The following GET1 variants were observed in gnomAD, a reference collection of about 807,000 sequenced individuals.
GET1 encodes the protein guided entry of tail-anchored proteins factor 1.
In GET1, 20 loss-of-function variants were observed where a neutral mutation model predicts 22.6. The observed-to-expected ratio is 0.89, with a 90% CI of 0.62 to 1.29. The LOEUF (loss-of-function observed/expected upper bound fraction) is 1.29, where lower values mean the gene tolerates loss of function less well. Among genes scored for constraint, GET1 ranks in the 50% most tolerant of loss-of-function variants. GET1 has a pLI of 0.00. For missense variants in GET1, 209 were observed against 219.9 expected (o/e 0.95, Z 0.31); for synonymous variants, 92 against 83.8 (o/e 1.10, Z -0.53).
intron 1 of GET1, among the ~76,000 whole-genome samples, chr21:39,416,650 C>T (rs894015925): frequency 2.0e-5 from 3 of 147,256 alleles, no homozygotes; most frequent in African/African-American, 7.7e-5. Flanking sequence ...TTGACTCTAT[C>T]TTACTTCTGT....
At chr21:39,395,776 C>T (rs1171975841) in intron 4 of GET1, among the ~76,000 whole-genome samples, 2 of 152,204 alleles carry the variant, frequency 1.3e-5, no homozygotes, top group East Asian at 1.9e-4. Context: ...AGGAGCTCTG[C>T]ACTGCGGCCA....
chr21:39,391,548 C>G, intron 2 of GET1: 1 of 486,584 alleles, frequency 2.1e-6, no homozygotes, highest in Middle Eastern at 5.7e-4. Flanking sequence ...AAAATTAAAG[C>G]TATTCAAATC....
At chr21:39,390,901 C>G (rs371114959) in intron 2 of GET1, 38 bp downstream of exon 2, 1 of 1,607,922 alleles carries the variant, frequency 6.2e-7, no homozygotes. Flanking sequence ...TTCATGAGAG[C>G]GGATGAATAG....
intron 1 of GET1, among the ~76,000 whole-genome samples, chr21:39,383,288 A>G (rs1194976702): frequency 9.7e-6 from 1 of 103,214 alleles, no homozygotes; most frequent in Non-Finnish European, 2.0e-5. Flanking sequence ...TATTTTGTTT[A>G]TTTATTTTTT....
chr21:39,418,176 TC>T (rs2041629000), intron 1 of GET1, among the ~76,000 whole-genome samples: 1 of 152,140 alleles, frequency 6.6e-6, no homozygotes, highest in Non-Finnish European at 1.5e-5. Context: ...ACTGGGTCCC[TC>T]CCCTGACATG....
chr21:39,382,010 A>T (rs2146899127), intron 1 of GET1, among the ~76,000 whole-genome samples: 1 of 151,466 alleles, frequency 6.6e-6, no homozygotes, highest in African/African-American at 2.4e-5. Flanking sequence ...AAGTGCTGGG[A>T]TTACAGGTGT....
chr21:39,410,171 C>G, downstream of GET1: 2 of 1,256,860 alleles, frequency 1.6e-6, no homozygotes, highest in South Asian at 2.5e-5. Context: ...ATTCTAATGA[C>G]TACAAATACT....
At chr21:39,396,798 A>G (rs2038686284) in intron 4 of GET1, 68 bp from the exon 5 acceptor site, 9 of 1,392,676 alleles carry the variant, frequency 6.5e-6, no homozygotes, top group Non-Finnish European at 8.2e-6. Flanking sequence ...TGTGAGTTAA[A>G]GACAGCAGAG....
intron 4 of GET1, among the ~76,000 whole-genome samples, chr21:39,395,712 C>G (rs1279130778): frequency 6.6e-6 from 1 of 152,176 alleles, no homozygotes; most frequent in Non-Finnish European, 1.5e-5. Flanking sequence ...CCCCTGTCCC[C>G]TTCCCCACCC....
chr21:39,414,738 CTCTCTGTGTGTG>C (rs1366036682), intron 1 of GET1, among the ~76,000 whole-genome samples: 41 of 107,376 alleles, frequency 3.8e-4, no homozygotes, highest in South Asian at 7.0e-4. Flanking sequence ...CTCTCTCTCT[CTCTCTGTGTGTG>C]TGTGTGTGTG....
chr21:39,380,458 G>A lies in GET1; in HGVS notation c.74G>A (p.Arg25Lys), dbSNP rs2037482370. The A allele has an allele frequency of 6.2e-7, 1 of 1,613,250 alleles. No individual in the cohort carries two copies. The highest frequency in any genetic ancestry group is 1.3e-5 in the African/African-American group (1 of 75,042). ...TTCGTGTTTGGATGCAATGTTCTTAGGATCCTCCTCCCGTCCTTCTCATCC... is the reference window on the plus strand; with the variant it reads ...TTCGTGTTTGGATGCAATGTTCTTAAGATCCTCCTCCCGTCCTTCTCATCC... ...LSFVFGCNVL[R>K]ILLPSFSSFM... The change falls in exon 1 of 5, where the codon AGG (arginine) becomes AAG (lysine). Residue 25 changes from arginine to lysine, a missense_variant. Physicochemically the swap from Arg to Lys is conservative, Grantham distance 26 (BLOSUM62 2). Transcript: ENST00000649170.
chr21:39,384,053 T>C (rs1415470392), intron 1 of GET1, among the ~76,000 whole-genome samples: 3 of 151,712 alleles, frequency 2.0e-5, no homozygotes, highest in Non-Finnish European at 4.4e-5. Context: ...TTTTTTTTTT[T>C]GTAATACTAA....
chr21:39,414,736 C>G (rs1350972045), intron 1 of GET1, among the ~76,000 whole-genome samples: 1,118 of 91,954 alleles, frequency 0.012, 12 homozygotes, highest in African/African-American at 0.042. Context: ...CTCTCTCTCT[C>G]TCTCTCTGTG....
chr21:39,398,653 A>T (rs1002807242), downstream of GET1, among the ~76,000 whole-genome samples: 28 of 141,180 alleles, frequency 2.0e-4, 1 homozygote, highest in Admixed American at 6.9e-4. Context: ...TTGCTCTGTC[A>T]CCCAGGCTGG....
At chr21:39,394,381 G>A (rs1230770257) in intron 4 of GET1, among the ~76,000 whole-genome samples, 1 of 152,114 alleles carries the variant, frequency 6.6e-6, no homozygotes, top group Non-Finnish European at 1.5e-5. Flanking sequence ...GCTGTGATAT[G>A]TTTTTCTTTG....
chr21:39,411,045 T>C (rs780276469), downstream of GET1: 30 of 400,586 alleles, frequency 7.5e-5, no homozygotes, highest in Non-Finnish European at 1.2e-4. Flanking sequence ...ATGAGAGGTA[T>C]ACACTAATGA....
chr21:39,392,629 G>A (rs746798463), intron 3 of GET1, among the ~76,000 whole-genome samples: 3 of 152,182 alleles, frequency 2.0e-5, no homozygotes, highest in Non-Finnish European at 4.4e-5. Context: ...GTGGGGGGAT[G>A]GAGGGAAATA....
chr21:39,381,218 G>A (rs1188140883), intron 1 of GET1, among the ~76,000 whole-genome samples: 1 of 152,124 alleles, frequency 6.6e-6, no homozygotes, highest in Non-Finnish European at 1.5e-5. Context: ...ATTGGACAGG[G>A]CGTGGTGGGG....
chr21:39,387,788 T>A, intron 1 of GET1: 2 of 984,588 alleles, frequency 2.0e-6, no homozygotes, highest in Non-Finnish European at 1.2e-6. Flanking sequence ...CTCAGGCGAC[T>A]GGCGGGTCGC....
Sources: gnomAD v4.1 joint callset for allele counts (sites outside exome capture counted in the v4.1 genomes callset) on GRCh38, gnomAD v4.1.1 for gene constraint, MANE v1.5 for transcripts, NCBI Gene and HGNC (gene_info 2026-07-23, HGNC 2026-07-21) for gene names.